Variants in NWD1 observed in about 807,000 individuals in gnomAD.
NWD1 encodes the protein NACHT and WD repeat domain containing 1.
A neutral mutation model predicts 135.1 loss-of-function variants in NWD1; 129 were observed. That is an observed-to-expected ratio of 0.96 (90% confidence interval 0.83 to 1.11). The LOEUF (loss-of-function observed/expected upper bound fraction) is 1.11. Among genes scored for constraint, NWD1 ranks in the 50% least tolerant of loss-of-function variants. NWD1 has a pLI of 0.00. For synonymous variants in NWD1, 773 were observed against 786.0 expected (o/e 0.98, Z 0.28); for missense variants, 1,740 against 1,851.3 (o/e 0.94, Z 1.10).
At position 16,805,083 on chromosome 19, in the gene NWD1, G is replaced by C. The variant is rs192211866; in HGVS notation, c.3737-2503G>C. On this transcript the variant is annotated intron_variant, in intron 17 of 18. Coordinates refer to ENST00000524140, the MANE Select transcript of NWD1 (RefSeq NM_001007525.5). The stretch of plus-strand genomic sequence containing the variant: ...TGTTGTTGTTCTTTTGTTTGAGATG[G>C]AGTCTCGCTCTGTCACCCAGGCTGG... Among the ~76,000 whole-genome samples the C allele has an allele frequency of 1.1e-4, 17 of 150,940 alleles. No individual in the cohort carries two copies. The East Asian group carries it at 3.1e-3, about 28-fold the overall frequency.
intron 6 of NWD1, among the ~76,000 whole-genome samples, chr19:16,751,618 T>C (rs773928435): frequency 6.6e-6 from 1 of 151,606 alleles, no homozygotes; most frequent in Admixed American, 6.6e-5. Context: ...CTGGTCAACA[T>C]GGTGAAACCT....
At chr19:16,778,825 G>A (rs772083358) in intron 11 of NWD1, among the ~76,000 whole-genome samples, 7 of 152,120 alleles carry the variant, frequency 4.6e-5, no homozygotes, top group Non-Finnish European at 8.8e-5. Flanking sequence ...ATGAGCCACC[G>A]TGCCCGGCCA....
chr19:16,754,059 A>T (rs1166373135), intron 6 of NWD1, among the ~76,000 whole-genome samples: 4 of 145,654 alleles, frequency 2.7e-5, no homozygotes, highest in African/African-American at 1.1e-4. Context: ...CCATCCACCC[A>T]TCATCTCGAT....
intron 4 of NWD1, among the ~76,000 whole-genome samples, chr19:16,741,299 C>A (rs192321649): frequency 6.6e-6 from 1 of 152,194 alleles, no homozygotes; most frequent in South Asian, 2.1e-4. Context: ...GCTCCCCCTG[C>A]CTGCAAGATA....
At chr19:16,754,921 A>G (rs544884708) in intron 6 of NWD1, among the ~76,000 whole-genome samples, 64 of 152,260 alleles carry the variant, frequency 4.2e-4, no homozygotes, top group African/African-American at 1.5e-3. Context: ...GTCTATCTCT[A>G]TATATCTATA....
rs1969773232 is a variant in NWD1 at position 16,779,362 on chromosome 19, G to A, written c.2628G>A (p.Trp876Ter). ...CTGCAGGCATCACCGCCATGGCATG[G>A]GGTGTGGAGGAGAAGCTGCTGGTGA... ...GCHKGITAMAWGVEEKLLVIG... is the reference protein window; with the variant it reads ...GCHKGITAMA The change falls in exon 12 of 19, where the codon TGG becomes TGA. Residue 876 changes from tryptophan (W) to a stop codon, truncating the protein, a stop_gained. Transcript: ENST00000524140. LOFTEE classifies it high-confidence loss of function. The A allele has an allele frequency of 3.1e-6, 5 of 1,613,800 alleles. No individual in the cohort carries two copies. Among genetic ancestry groups the A allele is most frequent in the Non-Finnish European group, 4.2e-6 (5 of 1,179,962 alleles).
At chr19:16,757,083 G>A (rs565009358) in intron 6 of NWD1, among the ~76,000 whole-genome samples, 4 of 152,080 alleles carry the variant, frequency 2.6e-5, no homozygotes, top group South Asian at 2.1e-4. Flanking sequence ...GAATTATTTC[G>A]TTATATATTG....
intron 18 of NWD1, among the ~76,000 whole-genome samples, chr19:16,812,352 T>C (rs557667518): frequency 5.5e-4 from 83 of 150,604 alleles, no homozygotes; most frequent in African/African-American, 1.2e-3. Context: ...GTTTCCTGGG[T>C]GTCTTTCAGT....
chr19:16,790,092 C>G (rs997373606), intron 13 of NWD1, among the ~76,000 whole-genome samples: 1 of 152,120 alleles, frequency 6.6e-6, no homozygotes, highest in Non-Finnish European at 1.5e-5. Flanking sequence ...TCCATTACAT[C>G]AATCATAACC....
At chr19:16,787,908 ATC>A (rs1568380810) in intron 12 of NWD1, among the ~76,000 whole-genome samples, 15,743 of 102,584 alleles carry the variant, frequency 0.15, 1,010 homozygotes, top group African/African-American at 0.19. Flanking sequence ...AATAATAATC[ATC>A]ATCATCATCA....
At chr19:16,729,905 A>AGAAGGAAG (rs111423166) in intron 2 of NWD1, among the ~76,000 whole-genome samples, 41 of 150,834 alleles carry the variant, frequency 2.7e-4, no homozygotes, top group African/African-American at 9.3e-4. Context: ...AAAGAGAGAG[A>AGAAGGAAG]GAAGGAAGGA....
At chr19:16,754,704 C>T (rs2122840649) in intron 6 of NWD1, among the ~76,000 whole-genome samples, 1 of 149,164 alleles carries the variant, frequency 6.7e-6, no homozygotes, top group East Asian at 2.0e-4. Context: ...TCATCTCTAG[C>T]ATCCATCCAT....
In NWD1 at chr19:16,789,183, G is replaced by A. The variant is rs1293229705; in HGVS notation, c.2933G>A (p.Gly978Asp). 1.9e-6 allele frequency: 3 copies of A among 1,612,492 alleles called. No individual in the cohort carries two copies. The African/African-American group carries it at 4.0e-5, about 22-fold the overall frequency. Residue 978 changes from glycine to aspartate, a missense_variant, in exon 13 of 19, where the codon GGC becomes GAC. By Grantham distance (94) the Gly-to-Asp change is moderately conservative. Coordinates refer to ENST00000524140, the MANE Select transcript of NWD1 (RefSeq NM_001007525.5). ...EAHKVVYSAS[G>D]SKINAWNLET... ...CACAAAGTTGTGTATTCAGCATCTGGCTCAAAGGTAACAAACATATGCCCT... is the reference window on the plus strand; with the variant it reads ...CACAAAGTTGTGTATTCAGCATCTGACTCAAAGGTAACAAACATATGCCCT...
intron 18 of NWD1, among the ~76,000 whole-genome samples, chr19:16,808,337 A>T (rs1295273181): frequency 6.6e-6 from 1 of 151,914 alleles, no homozygotes; most frequent in Non-Finnish European, 1.5e-5. Context: ...ATCACCTGAG[A>T]TCGGGAGTTC....
rs1967265236 is a variant in NWD1, at chr19:16,724,875, G to C, written c.-7+412G>C. On this transcript the variant is annotated intron_variant, in intron 2 of 18. Transcript: ENST00000524140. ...ACCCAGCTAATTTTTTGTATTTTTA[G>C]TAGAGATGGGGTTTCACCATGTTGG... Among the ~76,000 whole-genome samples the C allele has an allele frequency of 2.0e-5, 3 of 151,538 alleles. No individual in the cohort carries two copies. The South Asian group carries it at 6.3e-4, about 32-fold the overall frequency.
intron 11 of NWD1, among the ~76,000 whole-genome samples, chr19:16,777,990 G>C (rs1025357771): frequency 7.6e-6 from 1 of 131,988 alleles, no homozygotes; most frequent in African/African-American, 3.0e-5. Context: ...ATGGAGGAAG[G>C]GGGAGGGAAG....
At chr19:16,736,913 T>C (rs1967845322) in intron 4 of NWD1, among the ~76,000 whole-genome samples, 163 bp downstream of exon 4, 1 of 152,164 alleles carries the variant, frequency 6.6e-6, no homozygotes, top group Admixed American at 6.6e-5. Flanking sequence ...CACAGAACTC[T>C]TTCTGCAGAG....
chr19:16,775,888 A>G (rs1185944381), intron 11 of NWD1, among the ~76,000 whole-genome samples: 2 of 151,966 alleles, frequency 1.3e-5, no homozygotes, highest in Non-Finnish European at 1.5e-5. Context: ...GGCTGGTCTC[A>G]AACTCCTGAC....
Position 16,750,415 on chromosome 19 carries a change from A to G in NWD1, c.1769+4A>G, listed in dbSNP as rs753056090. The G allele has an allele frequency of 9.1e-6, 14 of 1,537,390 alleles. No individual in the cohort carries two copies. The Admixed American group carries it at 2.9e-4, about 32-fold the overall frequency. On this transcript the variant is annotated splice_donor_region_variant and intron_variant, in intron 6 of 18. Coordinates refer to ENST00000524140, the MANE Select transcript of NWD1 (RefSeq NM_001007525.5). ...TGGGCTACATTGTGTCTTCCCGGTA[A>G]GTCTCTGTGTTTTGAAACTCTTATT...
Sources: gnomAD v4.1 joint callset for allele counts (sites outside exome capture counted in the v4.1 genomes callset) on GRCh38, gnomAD v4.1.1 for gene constraint, MANE v1.5 for transcripts, NCBI Gene and HGNC (gene_info 2026-07-23, HGNC 2026-07-21) for gene names.